The following GABRB3 variants were observed in gnomAD, a reference collection of about 807,000 sequenced individuals.
The protein encoded by GABRB3 is gamma-aminobutyric acid receptor subunit beta-3.
A neutral mutation model predicts 52.1 loss-of-function variants in GABRB3; 14 were observed. The observed-to-expected ratio is 0.27, with a 90% confidence interval of 0.18 to 0.42. The LOEUF (loss-of-function observed/expected upper bound fraction) is 0.42, where lower values mean the gene tolerates loss of function less well. GABRB3 is among the 10% of genes least tolerant of loss of function. The pLI is 1.00. For synonymous variants in GABRB3, 260 were observed against 232.3 expected (o/e 1.12, Z -1.08); for missense variants, 307 against 609.1 (o/e 0.50, Z 5.22).
intron 3 of GABRB3, among the ~76,000 whole-genome samples, chr15:26,770,527 T>C (rs1401147830): frequency 6.6e-6 from 1 of 152,208 alleles, no homozygotes; most frequent in Non-Finnish European, 1.5e-5. Flanking sequence ...ACTATCAGCA[T>C]GATGCCAGAA....
intron 3 of GABRB3, among the ~76,000 whole-genome samples, chr15:26,727,883 A>G (rs1194700021): frequency 6.6e-6 from 1 of 152,194 alleles, no homozygotes; most frequent in Non-Finnish European, 1.5e-5. Context: ...TGCTTTTATT[A>G]TTGAATATAC....
intron 3 of GABRB3, among the ~76,000 whole-genome samples, chr15:26,766,623 G>A (rs1287377088): frequency 1.3e-5 from 2 of 151,520 alleles, no homozygotes; most frequent in African/African-American, 4.9e-5. Flanking sequence ...ATTATCCAAG[G>A]AAATATAAAC....
rs566565361 is a variant in GABRB3 at position 26,603,552 on chromosome 15, A to C, written c.461+17762T>G. Among the ~76,000 whole-genome samples, 22 of 152,224 alleles carry C rather than the reference A, an allele frequency of 1.4e-4. No homozygotes were observed. The South Asian group carries it at 3.5e-3, about 24-fold the overall frequency. On this transcript the variant is annotated intron_variant, in intron 4 of 8. Transcript: ENST00000311550. ...AAATACTAGGAAACGAAATTCAAGA[A>C]TATGTTAAAACAATCATTTATCAAG...
Position 26,772,373 on chromosome 15 carries a change from G to A in GABRB3, c.240+29C>T, listed in dbSNP as rs1028119993. On this transcript the variant is annotated intron_variant, in intron 3 of 8. Coordinates refer to ENST00000311550, the MANE Select transcript of GABRB3 (RefSeq NM_000814.6). ...TCCCAGACAGCGGGCCGGGGGCTCA[G>A]GGACCGCCCTGGGAGGGCGGGCACT... 3 of 1,593,286 alleles carry A rather than the reference G, an allele frequency of 1.9e-6. No individual in the cohort carries two copies. The African/African-American group carries it at 4.0e-5, about 21-fold the overall frequency.
At chr15:26,739,279 G>A (rs921784455) in intron 3 of GABRB3, among the ~76,000 whole-genome samples, 2 of 151,992 alleles carry the variant, frequency 1.3e-5, no homozygotes, top group African/African-American at 2.4e-5. Context: ...AAACAACAGC[G>A]ACGCTTGGCC....
At chr15:26,725,289 G>C (rs946965973) in intron 3 of GABRB3, among the ~76,000 whole-genome samples, 4 of 152,156 alleles carry the variant, frequency 2.6e-5, no homozygotes, top group African/African-American at 9.7e-5. Flanking sequence ...TGTCTTTTCA[G>C]GCTGATGCAC....
At chr15:26,722,093 C>G (rs1363126133) in intron 3 of GABRB3, among the ~76,000 whole-genome samples, 1 of 152,056 alleles carries the variant, frequency 6.6e-6, no homozygotes, top group African/African-American at 2.4e-5. Flanking sequence ...TGCAATAAAT[C>G]TTAGCTTACC....
At chr15:26,755,667 T>C (rs1890641215) in intron 3 of GABRB3, among the ~76,000 whole-genome samples, 1 of 152,208 alleles carries the variant, frequency 6.6e-6, no homozygotes, top group African/African-American at 2.4e-5. Flanking sequence ...AGTATAGATA[T>C]AGAACATTCT....
At position 26,609,107 on chromosome 15, in the gene GABRB3, C is replaced by T. The variant is rs1453754239; in HGVS notation, c.461+12207G>A. ...ATACACACACACACACACACATACA[C>T]ACACACACACACACACACACACACA... is the stretch of plus-strand genomic sequence containing the variant. On this transcript the variant is annotated intron_variant, in intron 4 of 8. Coordinates refer to ENST00000311550, the MANE Select transcript of GABRB3 (RefSeq NM_000814.6). 4.4e-3 allele frequency among the ~76,000 whole-genome samples: 191 copies of T among 43,470 alleles called. 1 individual carries two copies. The highest frequency in any genetic ancestry group is 0.016 in the East Asian group (51 of 3,288). 28.5% of individuals were successfully genotyped at this position (43,470 alleles called of 152,430 possible). A position where few individuals can be genotyped will look rare whatever the true frequency, so the allele number is the denominator to read the frequency against.
intron 3 of GABRB3, among the ~76,000 whole-genome samples, chr15:26,622,578 G>A (rs1240542969): frequency 6.6e-6 from 1 of 152,198 alleles, no homozygotes; most frequent in Non-Finnish European, 1.5e-5. Context: ...TTAAGATCAT[G>A]TCTGCAAACA....
At position 26,580,665 on chromosome 15, in the gene GABRB3, T is replaced by C. The variant is rs1890756935; in HGVS notation, c.545-209A>G. On this transcript the variant is annotated intron_variant, in intron 5 of 8. Transcript: ENST00000311550. ...CATTTTATTTGTACCAGGTTGGTACTGAAAAGTCGAGAGGCTGGGGAGAAT... is the reference window on the plus strand; with the variant it reads ...CATTTTATTTGTACCAGGTTGGTACCGAAAAGTCGAGAGGCTGGGGAGAAT... The C allele has an allele frequency of 1.7e-5, 12 of 694,504 alleles. No homozygotes were observed. In the South Asian group the frequency reaches 2.1e-4, roughly 12 times the overall value. The allele number at this position is 694,504 out of a possible 1,614,324, so 43.0% of individuals were successfully genotyped here. A position where few individuals can be genotyped will look rare whatever the true frequency, so the allele number is the denominator to read the frequency against.
intron 3 of GABRB3, among the ~76,000 whole-genome samples, chr15:26,735,017 A>G (rs1890029970): frequency 6.6e-6 from 1 of 152,222 alleles, no homozygotes; most frequent in Non-Finnish European, 1.5e-5. Context: ...TGATATCCAG[A>G]ATATATAGAA....
chr15:26,593,790 T>C (rs966402259), intron 4 of GABRB3, among the ~76,000 whole-genome samples: 1 of 151,824 alleles, frequency 6.6e-6, no homozygotes, highest in African/African-American at 2.4e-5. Context: ...GGCGTAAAAA[T>C]ATCTGTTTGG....
intron 7 of GABRB3, among the ~76,000 whole-genome samples, chr15:26,563,080 C>T (rs1436672574): frequency 2.6e-5 from 4 of 152,282 alleles, no homozygotes; most frequent in South Asian, 2.1e-4. Context: ...TTGCCACTAC[C>T]GTCTCTCCCC....
At chr15:26,685,532 C>T (rs1566805080) in intron 3 of GABRB3, among the ~76,000 whole-genome samples, 2 of 151,446 alleles carry the variant, frequency 1.3e-5, no homozygotes, top group Non-Finnish European at 1.5e-5. Flanking sequence ...TATACGAGTA[C>T]AAAAAAATAT....
At chr15:26,554,127 G>GTATATA (rs1177122496) in intron 8 of GABRB3, among the ~76,000 whole-genome samples, 36 of 22,580 alleles carry the variant, frequency 1.6e-3, no homozygotes, top group African/African-American at 7.8e-3. Flanking sequence ...AAGTGTGTGT[G>GTATATA]TATATATATA....
Position 26,705,539 on chromosome 15 carries a change from G to A in GABRB3, c.240+66863C>T, listed in dbSNP as rs12439911. 7.4e-3 allele frequency among the ~76,000 whole-genome samples: 1,128 copies of A among 152,258 alleles called. 40 individuals carry two copies. The highest frequency in any genetic ancestry group is 0.054 in the Admixed American group (827 of 15,292). On this transcript the variant is annotated intron_variant, in intron 3 of 8. Coordinates refer to ENST00000311550, the MANE Select transcript of GABRB3 (RefSeq NM_000814.6). ...TGAAACTCTATTCACCAATAAAACA[G>A]GATGAAGTGTTGATACAACTCAAAC... is the stretch of plus-strand genomic sequence containing the variant.
At chr15:26,618,738 A>G (rs889673371) in intron 4 of GABRB3, among the ~76,000 whole-genome samples, 1 of 151,976 alleles carries the variant, frequency 6.6e-6, no homozygotes, top group Non-Finnish European at 1.5e-5. Flanking sequence ...GCAACCTACA[A>G]AATGGGAGAA....
intron 3 of GABRB3, among the ~76,000 whole-genome samples, chr15:26,670,627 T>C (rs933162323): frequency 1.3e-5 from 2 of 152,150 alleles, no homozygotes; most frequent in Admixed American, 6.5e-5. Context: ...TTCCCATAAA[T>C]ATCGAGATAG....
Sources: gnomAD v4.1 joint callset for allele counts (sites outside exome capture counted in the v4.1 genomes callset) on GRCh38, gnomAD v4.1.1 for gene constraint, MANE v1.5 for transcripts, NCBI Gene and HGNC (gene_info 2026-07-23, HGNC 2026-07-21) for gene names.